SLC26A7: variants seen among roughly 807,000 people sequenced by gnomAD.
SLC26A7 encodes anion exchange transporter.
A neutral mutation model predicts 82.5 loss-of-function variants in SLC26A7; 59 were observed. The ratio of observed to expected loss-of-function variants is 0.72; its 90% CI spans 0.58 to 0.89. The LOEUF (loss-of-function observed/expected upper bound fraction) is 0.89. Among genes scored for constraint, SLC26A7 ranks in the 40% least tolerant of loss-of-function variants. The pLI is 0.00. For missense variants in SLC26A7, 820 were observed against 793.0 expected (o/e 1.03, Z -0.41); for synonymous variants, 271 against 274.3 (o/e 0.99, Z 0.12).
intron 9 of SLC26A7, among the ~76,000 whole-genome samples, chr8:91,349,772 A>G (rs1009638060): frequency 5.9e-5 from 9 of 152,154 alleles, no homozygotes; most frequent in African/African-American, 1.9e-4. Context: ...ATGAGTGAAG[A>G]GTCCCACAAA....
chr8:91,280,055 G>T (rs1294629982), intron 2 of SLC26A7, among the ~76,000 whole-genome samples: 1 of 152,084 alleles, frequency 6.6e-6, no homozygotes, highest in Non-Finnish European at 1.5e-5. Context: ...CCATTCTGTA[G>T]GTTGTCTCTT....
intron 5 of SLC26A7, among the ~76,000 whole-genome samples, chr8:91,319,410 G>T (rs759221345): frequency 2.0e-5 from 3 of 152,118 alleles, no homozygotes; most frequent in Non-Finnish European, 4.4e-5. Flanking sequence ...TGAAAAAAAT[G>T]GTATCACTTG....
chr8:91,389,332 C>T lies in SLC26A7; in HGVS notation c.1676-6C>T, dbSNP rs772981518. On this transcript the variant is annotated splice_polypyrimidine_tract_variant and splice_region_variant and intron_variant, in intron 15 of 18. Transcript: ENST00000276609. ...TCCCTAACTCAAGTCTCTGTTTCTC[C>T]TACAGAAGAAGCTTCACAGTCCTGC... 3.7e-6 allele frequency: 6 copies of T among 1,609,184 alleles called. No individual in the cohort carries two copies.
At chr8:91,257,357 G>A (rs1229105858) in intron 2 of SLC26A7, among the ~76,000 whole-genome samples, 14 of 152,112 alleles carry the variant, frequency 9.2e-5, no homozygotes, top group African/African-American at 3.4e-4. Context: ...ACTGCTGTCC[G>A]CTTGGTTTGA....
In SLC26A7 at chr8:91,343,376, C is replaced by G. The variant is rs775866265; in HGVS notation, c.1050C>G (p.Ser350Arg). The stretch of plus-strand genomic sequence containing the variant: ...AGGAATTTTTGGCCCATGGCCTCAG[C>G]AATATAGTTTCTTCATTTTTCTTCT... ...DNQEFLAHGL[S>R]NIVSSFFFCI... Residue 350 changes from serine (S) to arginine (R), a missense_variant, in exon 9 of 19, where the codon AGC (serine) becomes AGG (arginine). Coordinates refer to ENST00000276609, the MANE Select transcript of SLC26A7 (RefSeq NM_052832.4). 1.9e-6 allele frequency: 3 copies of G among 1,611,140 alleles called. No homozygotes were observed. In the Admixed American group the frequency reaches 5.0e-5, roughly 27 times the overall value.
intron 9 of SLC26A7, 88 bp downstream of exon 9, chr8:91,343,554 C>T: frequency 1.2e-6 from 1 of 832,176 alleles, no homozygotes; most frequent in Non-Finnish European, 1.8e-6. Flanking sequence ...CTCTTTAAAG[C>T]CCTGAAACTA....
chr8:91,354,131 C>T (rs1813797615), intron 11 of SLC26A7, among the ~76,000 whole-genome samples: 1 of 151,984 alleles, frequency 6.6e-6, no homozygotes, highest in Non-Finnish European at 1.5e-5. Context: ...TGTTAGGTGG[C>T]TCATGAAAAC....
At chr8:91,295,815 G>A (rs1323045602) in intron 4 of SLC26A7, 112 bp downstream of exon 4, 23 of 1,003,424 alleles carry the variant, frequency 2.3e-5, no homozygotes, top group Non-Finnish European at 3.2e-5. Context: ...GGTGGATAAA[G>A]GCCTGATGTG....
At position 91,312,056 on chromosome 8, in the gene SLC26A7, C is replaced by T. The variant is rs115522766; in HGVS notation, c.478-6160C>T. 6.4e-3 allele frequency among the ~76,000 whole-genome samples: 974 copies of T among 152,160 alleles called. 8 individuals are homozygous for T. The highest frequency in any genetic ancestry group is 0.023 in the African/African-American group (946 of 41,510). ...TATTTTTCTTTCACACATATGTCTC[C>T]ATAACTTTTTTCAACTTGTAAAACT... On this transcript the variant is annotated intron_variant, in intron 4 of 18. Coordinates refer to ENST00000276609, the MANE Select transcript of SLC26A7 (RefSeq NM_052832.4).
chr8:91,310,688 A>G (rs1812456371), intron 4 of SLC26A7, among the ~76,000 whole-genome samples: 1 of 152,168 alleles, frequency 6.6e-6, no homozygotes, highest in South Asian at 2.1e-4. Flanking sequence ...GAAGGGAGGA[A>G]TGCCTCAAGT....
At chr8:91,241,398 A>C (rs1256374328) in intron 2 of SLC26A7, among the ~76,000 whole-genome samples, 6 of 152,138 alleles carry the variant, frequency 3.9e-5, no homozygotes, top group Non-Finnish European at 8.8e-5. Flanking sequence ...TATCTTTTAA[A>C]ACACTTTTCT....
chr8:91,315,164 C>G (rs189178805), intron 4 of SLC26A7, among the ~76,000 whole-genome samples: 1 of 152,124 alleles, frequency 6.6e-6, no homozygotes, highest in Non-Finnish European at 1.5e-5. Context: ...CATACTGATG[C>G]AAACTTTCCA....
intron 15 of SLC26A7, among the ~76,000 whole-genome samples, chr8:91,388,857 GGA>G: frequency 6.6e-6 from 1 of 151,916 alleles, no homozygotes; most frequent in Non-Finnish European, 1.5e-5. Flanking sequence ...CCCTAGCAAT[GGA>G]GTTTTTTTTT....
At chr8:91,355,372 CTG>C (rs1171865855) in intron 11 of SLC26A7, among the ~76,000 whole-genome samples, 1 of 151,908 alleles carries the variant, frequency 6.6e-6, no homozygotes, top group East Asian at 1.9e-4. Flanking sequence ...TTTTTCAAAT[CTG>C]TGTTCTGCTC....
intron 2 of SLC26A7, among the ~76,000 whole-genome samples, chr8:91,275,899 T>G (rs1811393506): frequency 6.6e-6 from 1 of 152,166 alleles, no homozygotes; most frequent in South Asian, 2.1e-4. Context: ...CCTTTTCCCT[T>G]GCTTGGTATT....
At chr8:91,358,227 A>T (rs905435633) in intron 11 of SLC26A7, among the ~76,000 whole-genome samples, 1 of 152,336 alleles carries the variant, frequency 6.6e-6, no homozygotes, top group Non-Finnish European at 1.5e-5. Flanking sequence ...CTAGAACTGG[A>T]AATACCATTT....
At chr8:91,357,335 A>G (rs983696177) in intron 11 of SLC26A7, 4 of 152,070 alleles carry the variant, frequency 2.6e-5, no homozygotes, top group Admixed American at 1.3e-4. Flanking sequence ...TGGCAAGTCT[A>G]TATCATATTT....
chr8:91,336,510 TC>T (rs942425376), intron 6 of SLC26A7, among the ~76,000 whole-genome samples: 1 of 149,936 alleles, frequency 6.7e-6, no homozygotes, highest in African/African-American at 2.5e-5. Context: ...CCAAACCATC[TC>T]CCCCCTCCTC....
At chr8:91,390,319 A>G (rs1054767515) in intron 16 of SLC26A7, among the ~76,000 whole-genome samples, 19 of 152,148 alleles carry the variant, frequency 1.2e-4, no homozygotes, top group Admixed American at 2.6e-4. Context: ...GGGTTTCACC[A>G]TGCTATCCAG....
Sources: gnomAD v4.1 joint callset for allele counts (sites outside exome capture counted in the v4.1 genomes callset) on GRCh38, gnomAD v4.1.1 for gene constraint, MANE v1.5 for transcripts, NCBI Gene and HGNC (gene_info 2026-07-23, HGNC 2026-07-21) for gene names.